The following PDE4D variants were observed in gnomAD, a reference collection of about 807,000 sequenced individuals.
PDE4D encodes the protein 3',5'-cyclic-AMP phosphodiesterase 4D.
Under a neutral mutation model 87.4 loss-of-function variants are expected in PDE4D, and 24 were observed. The observed-to-expected ratio is 0.27, with a 90% CI of 0.20 to 0.39. The LOEUF is 0.39. PDE4D is among the 10% of genes least tolerant of loss of function. The probability of loss-of-function intolerance (pLI) is 1.00; values close to 1 mark genes in which losing one functional copy is unlikely to be tolerated. For synonymous variants in PDE4D, 384 were observed against 383.2 expected (o/e 1.00, Z -0.02); for missense variants, 714 against 1,041.0 (o/e 0.69, Z 4.32).
At chr5:59,378,428 AG>A (rs1785113161) in intron 1 of PDE4D, among the ~76,000 whole-genome samples, 1 of 152,194 alleles carries the variant, frequency 6.6e-6, no homozygotes, top group East Asian at 1.9e-4. Flanking sequence ...TGAACTTAAA[AG>A]TTAAAAAAAA....
rs546700505 is a variant in PDE4D, at chr5:59,626,606, TA to T, written c.455+266561del. On this transcript the variant is annotated intron_variant, in intron 1 of 14. Transcript: ENST00000340635. ...ATCCCATCTCTACAAATTTGTTTTT[TA>T]AATGCTAAACTAAAATAGAAGACAT... Among the ~76,000 whole-genome samples the T allele has an allele frequency of 2.8e-4, 43 of 152,326 alleles. No homozygotes were observed. In the East Asian group the frequency reaches 7.9e-3, roughly 28 times the overall value.
At chr5:60,509,220 T>C (rs886982435) in intron 1 of PDE4D, among the ~76,000 whole-genome samples, 4 of 152,130 alleles carry the variant, frequency 2.6e-5, no homozygotes, top group Non-Finnish European at 5.9e-5. Context: ...CCATTTCACA[T>C]GACAAAATCA....
At chr5:59,931,363 C>T (rs1440447412) in intron 3 of PDE4D, among the ~76,000 whole-genome samples, 1 of 152,188 alleles carries the variant, frequency 6.6e-6, no homozygotes, top group Non-Finnish European at 1.5e-5. Flanking sequence ...GGTTTACATG[C>T]TGCCTAGTCC....
At chr5:59,674,361 C>T (rs946706724) in intron 1 of PDE4D, among the ~76,000 whole-genome samples, 13 of 152,124 alleles carry the variant, frequency 8.5e-5, no homozygotes, top group Admixed American at 6.6e-4. Flanking sequence ...CATCTCCATA[C>T]GCCACTACTC....
At chr5:60,344,828 T>A (rs773496526) in intron 1 of PDE4D, among the ~76,000 whole-genome samples, 1 of 152,210 alleles carries the variant, frequency 6.6e-6, no homozygotes. Flanking sequence ...CATTTTGACA[T>A]AGTTCATTCA....
chr5:60,127,712 G>T, intron 2 of PDE4D: 1 of 574,844 alleles, frequency 1.7e-6, no homozygotes, highest in Non-Finnish European at 3.1e-6. Context: ...TTCAGTTTTG[G>T]ATATTTTGGA....
chr5:60,290,783 G>A (rs1583318162), intron 1 of PDE4D, among the ~76,000 whole-genome samples: 1 of 152,248 alleles, frequency 6.6e-6, no homozygotes, highest in Non-Finnish European at 1.5e-5. Flanking sequence ...TGCAGCCTAG[G>A]CAATCAGAGT....
chr5:58,979,485 C>CATAT (rs1439118423), intron 11 of PDE4D, among the ~76,000 whole-genome samples: 3 of 152,274 alleles, frequency 2.0e-5, no homozygotes, highest in Non-Finnish European at 4.4e-5. Context: ...GGACTGAAGG[C>CATAT]ATATGGTCAC....
At chr5:59,167,537 A>C (rs1782098529) in intron 5 of PDE4D, among the ~76,000 whole-genome samples, 1 of 152,164 alleles carries the variant, frequency 6.6e-6, no homozygotes, top group South Asian at 2.1e-4. Context: ...GCTGTGAAGT[A>C]TTCCCTAAAT....
chr5:60,341,210 A>T (rs1280654156), intron 1 of PDE4D, among the ~76,000 whole-genome samples: 1 of 152,224 alleles, frequency 6.6e-6, no homozygotes, highest in African/African-American at 2.4e-5. Flanking sequence ...CACAGAGATC[A>T]TTAAACCCCT....
At chr5:60,036,367 C>T (rs1181194457) in intron 2 of PDE4D, among the ~76,000 whole-genome samples, 2 of 152,142 alleles carry the variant, frequency 1.3e-5, no homozygotes, top group Non-Finnish European at 2.9e-5. Context: ...GTTTAAAATC[C>T]AGTCCCCTGG....
intron 1 of PDE4D, among the ~76,000 whole-genome samples, chr5:59,545,719 G>A (rs904832628): frequency 5.9e-5 from 9 of 152,034 alleles, no homozygotes; most frequent in South Asian, 2.1e-4. Flanking sequence ...AGTGCTCTCC[G>A]CATGAAAAAT....
rs139326617 is a variant in PDE4D at position 60,222,378 on chromosome 5, ACT to A, written c.-89-36693_-89-36692del. Among the ~76,000 whole-genome samples, 927 of 152,192 alleles carry A rather than the reference ACT, an allele frequency of 6.1e-3. 10 individuals are homozygous for A. Among genetic ancestry groups the A allele is most frequent in the African/African-American group, 0.021 (893 of 41,546 alleles). ...CATATTACCTGAAATCTCATGAAAG[ACT>A]CTGAGTCCAAACCACCTAAACCCTC... On this transcript the variant is annotated intron_variant, in intron 1 of 16. Coordinates refer to the PDE4D transcript ENST00000502484.
At chr5:59,999,432 G>A (rs959864105) in intron 2 of PDE4D, among the ~76,000 whole-genome samples, 4 of 151,208 alleles carry the variant, frequency 2.6e-5, no homozygotes, top group South Asian at 2.1e-4. Flanking sequence ...GACACCAGAC[G>A]GAGAAGGAGA....
chr5:60,298,548 A>T (rs1753616662), intron 1 of PDE4D, among the ~76,000 whole-genome samples: 1 of 152,210 alleles, frequency 6.6e-6, no homozygotes, highest in Non-Finnish European at 1.5e-5. Context: ...AAATGCAATC[A>T]TGCACACAAA....
chr5:59,361,082 T>C (rs1782145110), intron 1 of PDE4D, among the ~76,000 whole-genome samples: 1 of 152,176 alleles, frequency 6.6e-6, no homozygotes, highest in African/African-American at 2.4e-5. Flanking sequence ...TTTAGCAATT[T>C]GGAAAACAAC....
At chr5:59,432,707 C>T (rs1796282406) in intron 1 of PDE4D, among the ~76,000 whole-genome samples, 1 of 151,948 alleles carries the variant, frequency 6.6e-6, no homozygotes. Context: ...TAAGGTGTCG[C>T]AAAAGTAAGA....
rs1743152087 is a variant in PDE4D at position 58,974,147 on chromosome 5, C to T, written c.*517G>A. On this transcript the variant is annotated 3_prime_UTR_variant, in exon 15 of 15. Transcript: ENST00000340635. ...GTGCAGCTCACTGAACCACACTATTCAGTCATGTATCAGGAAGACTTGAAA... is the reference window on the plus strand; with the variant it reads ...GTGCAGCTCACTGAACCACACTATTTAGTCATGTATCAGGAAGACTTGAAA... 2 of 152,808 alleles carry T rather than the reference C, an allele frequency of 1.3e-5. No individual in the cohort carries two copies. The highest frequency in any genetic ancestry group is 2.1e-4 in the South Asian group (1 of 4,828). The allele number at this position is 152,808 out of a possible 1,614,324, so 9.5% of individuals were successfully genotyped here.
chr5:60,065,730 T>G (rs929155203), intron 2 of PDE4D, among the ~76,000 whole-genome samples: 1 of 152,054 alleles, frequency 6.6e-6, no homozygotes, highest in Non-Finnish European at 1.5e-5. Context: ...AATGATGGTT[T>G]CGTTTCATCC....
Sources: gnomAD v4.1 joint callset for allele counts (sites outside exome capture counted in the v4.1 genomes callset) on GRCh38, gnomAD v4.1.1 for gene constraint, MANE v1.5 for transcripts, NCBI Gene and HGNC (gene_info 2026-07-23, HGNC 2026-07-21) for gene names.